Variants in MTFR1 observed in about 807,000 individuals in gnomAD.
The protein encoded by MTFR1 is chondrocyte protein with a poly-proline region.
In MTFR1, 28 loss-of-function variants were observed where a neutral mutation model predicts 38.8. The ratio of observed to expected loss-of-function variants is 0.72; its 90% confidence interval spans 0.53 to 0.99. MTFR1 has a LOEUF of 0.99. Ranked by LOEUF, MTFR1 falls within the 50% of genes least tolerant of loss-of-function variation. The pLI is 0.00. For missense variants in MTFR1, 358 were observed against 395.5 expected (o/e 0.91, Z 0.81); for synonymous variants, 145 against 137.0 (o/e 1.06, Z -0.41).
At chr8:65,644,682 C>T (rs1195220176), upstream of MTFR1, 1 of 152,288 alleles carries the variant, frequency 6.6e-6, no homozygotes, top group Non-Finnish European at 1.5e-5. Flanking sequence ...ATCAGCCTGG[C>T]TCAGGCTTGG....
chr8:65,744,374 T>A (rs528682055), intron 3 of MTFR1, among the ~76,000 whole-genome samples: 3 of 152,344 alleles, frequency 2.0e-5, no homozygotes, highest in African/African-American at 7.2e-5. Context: ...TAAGGTTTAG[T>A]GGTCCTCAAT....
At position 65,670,765 on chromosome 8, in the gene MTFR1, A is replaced by C. The variant is rs138165759; in HGVS notation, c.66+747A>C. On this transcript the variant is annotated intron_variant, in intron 2 of 7. Transcript: ENST00000262146. ...TATTGCCCAGGCTGGAGTACAGTGG[A>C]GCAATCTCGGCTCACTGCAACCTCT... Among the ~76,000 whole-genome samples, 1,440 of 148,248 alleles carry C rather than the reference A, an allele frequency of 9.7e-3. 9 individuals are homozygous for C. The highest frequency in any genetic ancestry group is 0.043 in the East Asian group (216 of 5,052).
intron 5 of MTFR1, 97 bp downstream of exon 5, chr8:65,705,026 C>A: frequency 9.3e-7 from 1 of 1,080,808 alleles, no homozygotes; most frequent in Non-Finnish European, 1.3e-6. Context: ...TATTGGGGTT[C>A]TTAGAAAACC....
At chr8:65,702,971 A>G (rs1227974708) in intron 4 of MTFR1, among the ~76,000 whole-genome samples, 1 of 152,184 alleles carries the variant, frequency 6.6e-6, no homozygotes, top group Non-Finnish European at 1.5e-5. Context: ...TGGACCCAAT[A>G]TAAACAAAAT....
intron 1 of MTFR1, among the ~76,000 whole-genome samples, chr8:65,667,271 C>A (rs1217520293): frequency 7.0e-6 from 1 of 142,294 alleles, no homozygotes; most frequent in South Asian, 2.2e-4. Flanking sequence ...AGTGAAACTC[C>A]GTCTCAAAAA....
At chr8:65,719,511 G>C in intron 3 of MTFR1, 1 of 1,535,306 alleles carries the variant, frequency 6.5e-7, no homozygotes, top group Non-Finnish European at 9.0e-7. Context: ...GAAAATAGGA[G>C]AAAAAGTTAT....
chr8:65,658,356 GTAT>G (rs1456483758), intron 1 of MTFR1, among the ~76,000 whole-genome samples: 4 of 152,124 alleles, frequency 2.6e-5, no homozygotes, highest in African/African-American at 9.7e-5. Context: ...GTTGAAGACA[GTAT>G]TATTTTGTAT....
At chr8:65,660,551 G>A (rs1347771936) in intron 1 of MTFR1, among the ~76,000 whole-genome samples, 2 of 152,142 alleles carry the variant, frequency 1.3e-5, no homozygotes, top group African/African-American at 4.8e-5. Context: ...ATATCCCTCA[G>A]GCCCTCCCTC....
At chr8:65,644,036 G>A (rs1450812847), upstream of MTFR1, among the ~76,000 whole-genome samples, 1 of 152,088 alleles carries the variant, frequency 6.6e-6, no homozygotes, top group Non-Finnish European at 1.5e-5. Flanking sequence ...ATACGGACAG[G>A]TTTCCTACCC....
intron 2 of MTFR1, among the ~76,000 whole-genome samples, chr8:65,672,121 A>G (rs1201573836): frequency 6.6e-6 from 1 of 152,254 alleles, no homozygotes; most frequent in African/African-American, 2.4e-5. Flanking sequence ...CTTGCTCAAA[A>G]TATTGTAATT....
chr8:65,656,894 C>T (rs1809284632), intron 1 of MTFR1, among the ~76,000 whole-genome samples: 1 of 152,254 alleles, frequency 6.6e-6, no homozygotes, highest in Non-Finnish European at 1.5e-5. Context: ...GATTCTCCTG[C>T]CTCAGCTTCC....
intron 2 of MTFR1, among the ~76,000 whole-genome samples, chr8:65,675,367 G>A (rs533523775): frequency 1.3e-5 from 2 of 152,116 alleles, no homozygotes; most frequent in East Asian, 3.9e-4. Context: ...AGGCCGAGGC[G>A]GGTGGATCAC....
chr8:65,739,176 C>G (rs1351916281), intron 3 of MTFR1, among the ~76,000 whole-genome samples: 1 of 152,152 alleles, frequency 6.6e-6, no homozygotes, highest in Admixed American at 6.5e-5. Flanking sequence ...GTGCCAAACT[C>G]CTCTGCTTCT....
intron 1 of MTFR1, among the ~76,000 whole-genome samples, chr8:65,645,331 C>A (rs1355364697): frequency 6.6e-6 from 1 of 152,260 alleles, no homozygotes; most frequent in Non-Finnish European, 1.5e-5. Context: ...CCTCCTAGAA[C>A]TTCCCAGTGT....
At chr8:65,707,315 C>T in intron 6 of MTFR1, 59 bp downstream of exon 6, 5 of 1,542,054 alleles carry the variant, frequency 3.2e-6, no homozygotes, top group Non-Finnish European at 4.4e-6. Flanking sequence ...ACCAAAGTAC[C>T]AGGCTTCTTG....
intron 3 of MTFR1, among the ~76,000 whole-genome samples, chr8:65,690,338 C>T (rs1214337704): frequency 6.6e-6 from 1 of 151,956 alleles, no homozygotes; most frequent in African/African-American, 2.4e-5. Flanking sequence ...AATTTGAGAC[C>T]AGCCTGGGCA....
intron 4 of MTFR1, among the ~76,000 whole-genome samples, chr8:65,700,123 G>T (rs1460692488): frequency 1.3e-5 from 2 of 151,802 alleles, no homozygotes; most frequent in African/African-American, 4.8e-5. Context: ...GGTCGAGGTG[G>T]GTGGGTTGCT....
intron 2 of MTFR1, among the ~76,000 whole-genome samples, chr8:65,673,675 G>A (rs528792901): frequency 4.6e-5 from 7 of 151,706 alleles, no homozygotes; most frequent in Admixed American, 6.6e-5. Flanking sequence ...AGGCCGAGGC[G>A]GGTGGATCAC....
At chr8:65,755,137 C>T (rs1014733208) in intron 3 of MTFR1, among the ~76,000 whole-genome samples, 3 of 150,382 alleles carry the variant, frequency 2.0e-5, no homozygotes, top group African/African-American at 7.3e-5. Context: ...TCTCCTGCCT[C>T]AGCCTCCCAA....
Sources: allele counts gnomAD v4.1 joint callset (sites outside exome capture counted in the v4.1 genomes callset), GRCh38; gene constraint gnomAD v4.1.1; transcripts MANE v1.5; gene names NCBI Gene and HGNC (gene_info 2026-07-23, HGNC 2026-07-21).